The following DLG2 variants were observed in gnomAD, a reference collection of about 807,000 sequenced individuals.
DLG2 encodes discs large MAGUK scaffold protein 2, also known as disks large homolog 2.
Under a neutral mutation model 132.5 loss-of-function variants are expected in DLG2, and 45 were observed. That is an observed-to-expected ratio of 0.34 (90% CI 0.27 to 0.44). DLG2 has a LOEUF of 0.44. Among genes scored for constraint, DLG2 ranks in the 20% least tolerant of loss-of-function variants. The pLI, the probability that DLG2 is intolerant of heterozygous loss-of-function variation, is 1.00. For synonymous variants in DLG2, 424 were observed against 419.6 expected (o/e 1.01, Z -0.13); for missense variants, 1,045 against 1,196.9 (o/e 0.87, Z 1.87).
chr11:84,155,231 T>C (rs2095405029), intron 9 of DLG2, among the ~76,000 whole-genome samples: 1 of 152,170 alleles, frequency 6.6e-6, no homozygotes, highest in Non-Finnish European at 1.5e-5. Context: ...TGCACTGGGT[T>C]TCACCAGCAA....
At chr11:83,702,338 T>A (rs1460376177) in intron 18 of DLG2, among the ~76,000 whole-genome samples, 2 of 152,162 alleles carry the variant, frequency 1.3e-5, no homozygotes. Context: ...ACTTGGACAA[T>A]TTTTTACCTT....
intron 7 of DLG2, among the ~76,000 whole-genome samples, chr11:84,422,241 A>G (rs1002234994): frequency 2.0e-5 from 3 of 152,226 alleles, no homozygotes; most frequent in African/African-American, 7.2e-5. Context: ...CACTTACTGT[A>G]TGCAGCACTG....
At chr11:84,888,662 G>C (rs1003623628) in intron 6 of DLG2, among the ~76,000 whole-genome samples, 2 of 128,942 alleles carry the variant, frequency 1.6e-5, no homozygotes, top group Non-Finnish European at 3.4e-5. Flanking sequence ...AAACTCATTT[G>C]CATCTCAGGC....
chr11:83,613,785 AAAAG>A (rs1334519276), intron 19 of DLG2, among the ~76,000 whole-genome samples: 1 of 152,216 alleles, frequency 6.6e-6, no homozygotes, highest in Non-Finnish European at 1.5e-5. Context: ...AGAAACCAAA[AAAAG>A]AAAGAAAAGA....
intron 21 of DLG2, among the ~76,000 whole-genome samples, chr11:83,503,408 T>G (rs199982404): frequency 0.33 from 23,591 of 71,056 alleles, 3,662 homozygotes; most frequent in Non-Finnish European, 0.36. Context: ...TATATATATA[T>G]ATATATATAT....
intron 8 of DLG2, among the ~76,000 whole-genome samples, chr11:84,248,161 T>G (rs1031517840): frequency 6.6e-6 from 1 of 152,136 alleles, no homozygotes; most frequent in Non-Finnish European, 1.5e-5. Flanking sequence ...AGGGGAGAGT[T>G]GGGACTCTGC....
chr11:85,008,572 CAATT>C (rs1487596317), intron 6 of DLG2, among the ~76,000 whole-genome samples: 3 of 152,002 alleles, frequency 2.0e-5, no homozygotes, highest in African/African-American at 7.2e-5. Flanking sequence ...TATTTTAACT[CAATT>C]AAAAAGTGCA....
intron 3 of DLG2, among the ~76,000 whole-genome samples, chr11:85,542,084 C>T (rs941446074): frequency 3.9e-5 from 6 of 152,220 alleles, no homozygotes; most frequent in Non-Finnish European, 7.3e-5. Context: ...AACCCACCCA[C>T]ATTCGTGTGC....
intron 22 of DLG2, chr11:83,480,257 G>C (rs967824769): frequency 5.9e-6 from 5 of 842,656 alleles, no homozygotes; most frequent in Non-Finnish European, 9.5e-6. Context: ...CATTTGCTTT[G>C]AATACAGATG....
At chr11:83,788,586 G>T (rs2040654990) in intron 17 of DLG2, among the ~76,000 whole-genome samples, 1 of 152,198 alleles carries the variant, frequency 6.6e-6, no homozygotes, top group African/African-American at 2.4e-5. Context: ...CTAGGCTATT[G>T]ATGAGTTAGA....
At chr11:84,593,408 T>C (rs1369290645) in intron 6 of DLG2, among the ~76,000 whole-genome samples, 3 of 152,054 alleles carry the variant, frequency 2.0e-5, no homozygotes, top group Non-Finnish European at 4.4e-5. Flanking sequence ...TGCCCATCAA[T>C]GATAGACTAG....
At chr11:85,366,671 G>T (rs1394682077) in intron 3 of DLG2, among the ~76,000 whole-genome samples, 1 of 151,942 alleles carries the variant, frequency 6.6e-6, no homozygotes, top group Non-Finnish European at 1.5e-5. Context: ...ATTTTTGGGG[G>T]GTAGAGGATA....
intron 16 of DLG2, among the ~76,000 whole-genome samples, chr11:83,873,023 A>T (rs1037696616): frequency 5.9e-5 from 9 of 152,090 alleles, no homozygotes; most frequent in African/African-American, 2.2e-4. Context: ...TTTTTTTCAC[A>T]CTTAGGAAAT....
intron 4 of DLG2, among the ~76,000 whole-genome samples, chr11:85,261,356 C>A (rs771457530): frequency 3.9e-5 from 6 of 152,032 alleles, no homozygotes; most frequent in African/African-American, 1.4e-4. Context: ...CTCATTGTTG[C>A]TTACTTATGA....
intron 2 of DLG2, among the ~76,000 whole-genome samples, chr11:85,600,820 A>G (rs2080101915): frequency 6.6e-6 from 1 of 152,254 alleles, no homozygotes; most frequent in African/African-American, 2.4e-5. Flanking sequence ...CTGTACTAAT[A>G]TCAATGTAAC....
intron 7 of DLG2, among the ~76,000 whole-genome samples, chr11:84,346,820 C>T (rs1054177307): frequency 1.3e-5 from 2 of 152,202 alleles, no homozygotes; most frequent in Non-Finnish European, 2.9e-5. Context: ...TCGTGATCCA[C>T]TGTCCTTGGC....
intron 18 of DLG2, among the ~76,000 whole-genome samples, chr11:83,718,535 A>AG (rs2087412356): frequency 6.6e-6 from 1 of 150,490 alleles, no homozygotes. Flanking sequence ...AAAAAAAGAA[A>AG]AAAAAAAAAA....
chr11:83,808,284 C>T (rs564663057), intron 17 of DLG2, among the ~76,000 whole-genome samples: 6 of 152,098 alleles, frequency 3.9e-5, no homozygotes, highest in African/African-American at 1.4e-4. Flanking sequence ...TAACGTCAAA[C>T]CCTTTTAATA....
chr11:85,397,028 G>C (rs1201589666), intron 3 of DLG2, among the ~76,000 whole-genome samples: 2 of 152,184 alleles, frequency 1.3e-5, no homozygotes, highest in African/African-American at 4.8e-5. Flanking sequence ...CATCCAAAGA[G>C]AGAGGTTGGG....
Sources: allele counts gnomAD v4.1 joint callset (sites outside exome capture counted in the v4.1 genomes callset), GRCh38; gene constraint gnomAD v4.1.1; transcripts MANE v1.5; gene names NCBI Gene and HGNC (gene_info 2026-07-23, HGNC 2026-07-21).